The following BCL7C variants were observed in gnomAD, a reference collection of about 807,000 sequenced individuals.
The protein encoded by BCL7C is BAF chromatin remodeling complex subunit BCL7C, also known as B-cell CLL/lymphoma 7 protein family member C.
In BCL7C, 8 loss-of-function variants were observed where a neutral mutation model predicts 26.2. That is an observed-to-expected ratio of 0.30 (90% CI 0.18 to 0.55). The LOEUF (loss-of-function observed/expected upper bound fraction) is 0.55, where lower values mean the gene tolerates loss of function less well. BCL7C is among the 20% of genes least tolerant of loss of function. The pLI is 0.93. For missense variants in BCL7C, 262 were observed against 298.5 expected, an observed-to-expected ratio of 0.88 and a Z score of 0.90; for synonymous variants, 90 against 116.5, an observed-to-expected ratio of 0.77 and a Z score of 1.47.
chr16:30,888,851 C>T lies in BCL7C; in HGVS notation c.528+9G>A, dbSNP rs759753344. ...AGACCCAGGAGTCCAGCCTTCTGGC[C>T]TCTCTCACCTCAGCTTCCAGCAGTT... is the stretch of plus-strand genomic sequence containing the variant. On this transcript the variant is annotated intron_variant, in intron 5 of 5. Transcript: ENST00000215115. 6 of 1,613,768 alleles carry T rather than the reference C, an allele frequency of 3.7e-6. No individual in the cohort carries two copies. The highest frequency in any genetic ancestry group is 8.5e-7 in the Non-Finnish European group (1 of 1,179,808).
intron 5 of BCL7C, among the ~76,000 whole-genome samples, chr16:30,858,223 A>C (rs1453307680): frequency 6.6e-6 from 1 of 152,162 alleles, no homozygotes; most frequent in Non-Finnish European, 1.5e-5. Context: ...CCATTGCCAC[A>C]GTGAAGAGTC....
chr16:30,867,180 A>C (rs2054836645), intron 5 of BCL7C, among the ~76,000 whole-genome samples: 1 of 152,226 alleles, frequency 6.6e-6, no homozygotes, highest in South Asian at 2.1e-4. Context: ...GGACAAAAAA[A>C]TTCCAGGCCC....
chr16:30,859,727 C>T (rs1297260069), intron 5 of BCL7C, among the ~76,000 whole-genome samples: 1 of 150,316 alleles, frequency 6.7e-6, no homozygotes, highest in Non-Finnish European at 1.5e-5. Flanking sequence ...ACTTTGTACA[C>T]CTATCCCAAA....
chr16:30,892,868 A>AC lies in BCL7C; in HGVS notation c.251dup (p.Gly85TrpfsTer9). On this transcript the variant is annotated frameshift_variant, in exon 3 of 6. Coordinates refer to ENST00000215115, the MANE Select transcript of BCL7C (RefSeq NM_004765.4). LOFTEE classifies it high-confidence loss of function. ...TAAGATCCAGCAGGATGAGAGGGCCACCCCCTCGGGGACTGGCGCCCCTGC... is the reference window on the plus strand; with the variant it reads ...TAAGATCCAGCAGGATGAGAGGGCCACCCCCCTCGGGGACTGGCGCCCCTGC... 1 of 1,611,920 alleles carries AC rather than the reference A, an allele frequency of 6.2e-7. No individual in the cohort carries two copies. The highest frequency in any genetic ancestry group is 8.5e-7 in the Non-Finnish European group (1 of 1,179,790).
rs1187827463 is a variant in BCL7C at position 30,879,689 on chromosome 16, C to CAAAAAAAAAAAAAAAAAAA, written c.528+9152_528+9170dup. 2.8e-3 allele frequency among the ~76,000 whole-genome samples: 81 copies of CAAAAAAAAAAAAAAAAAAA among 29,390 alleles called. 23 individuals carry two copies. The highest frequency in any genetic ancestry group is 4.8e-3 in the African/African-American group (37 of 7,756). The allele number at this position is 29,390 out of a possible 152,430, so 19.3% of individuals were successfully genotyped here. A position where few individuals can be genotyped will look rare whatever the true frequency, so the allele number is the denominator to read the frequency against. On this transcript the variant is annotated intron_variant, in intron 5 of 5. Coordinates refer to the BCL7C transcript ENST00000380317. Reference sequence around the variant, plus strand: ...AACACAGAGAGACTCCCCTTCTCTACAAAAAAAAAAAAAAAAAAAACTGGG... The same window carrying CAAAAAAAAAAAAAAAAAAA: ...AACACAGAGAGACTCCCCTTCTCTACAAAAAAAAAAAAAAAAAAAAAAAAAAAAAAAAAAAAAAACTGGG...
chr16:30,891,236 G>T (rs1054535671), intron 4 of BCL7C, among the ~76,000 whole-genome samples: 1 of 151,622 alleles, frequency 6.6e-6, no homozygotes, highest in African/African-American at 2.4e-5. Context: ...GCCAAGGCGG[G>T]CAGATCACCT....
chr16:30,873,388 T>G (rs1047907035), intron 5 of BCL7C, among the ~76,000 whole-genome samples: 6 of 152,200 alleles, frequency 3.9e-5, no homozygotes, highest in Non-Finnish European at 8.8e-5. Context: ...TGGGAGTTAC[T>G]GTTAATGGGT....
chr16:30,879,461 A>G (rs918297609), intron 5 of BCL7C, among the ~76,000 whole-genome samples: 2 of 152,136 alleles, frequency 1.3e-5, no homozygotes, highest in South Asian at 2.1e-4. Flanking sequence ...ATGACCCTCA[A>G]GAATATTAGC....
chr16:30,845,650 A>G (rs2054629751), intron 5 of BCL7C, among the ~76,000 whole-genome samples: 1 of 151,596 alleles, frequency 6.6e-6, no homozygotes, highest in African/African-American at 2.4e-5. Flanking sequence ...TTCATTGGAT[A>G]CTGTATCTCA....
chr16:30,883,045 TAG>T (rs1180278383), downstream of BCL7C, among the ~76,000 whole-genome samples: 3 of 152,010 alleles, frequency 2.0e-5, no homozygotes, highest in Non-Finnish European at 4.4e-5. Context: ...GGGTGGAACT[TAG>T]AGTCAGAGAA....
intron 4 of BCL7C, among the ~76,000 whole-genome samples, chr16:30,892,179 A>T (rs550088158): frequency 7.0e-6 from 1 of 143,736 alleles, no homozygotes; most frequent in South Asian, 2.3e-4. Context: ...AGGCGGGAGG[A>T]TCGCTTGAGC....
intron 5 of BCL7C, among the ~76,000 whole-genome samples, chr16:30,864,123 C>T (rs995808687): frequency 2.6e-5 from 4 of 152,152 alleles, no homozygotes; most frequent in Middle Eastern, 3.4e-3. Flanking sequence ...CCAAAATCAC[C>T]GAGGCCCTGA....
chr16:30,839,435 G>C (rs2054588674), intron 5 of BCL7C, among the ~76,000 whole-genome samples: 1 of 152,236 alleles, frequency 6.6e-6, no homozygotes, highest in Non-Finnish European at 1.5e-5. Context: ...TTTAGGTGCT[G>C]CTGTGAAAGG....
intron 5 of BCL7C, among the ~76,000 whole-genome samples, chr16:30,849,714 G>A (rs957077680): frequency 1.3e-5 from 2 of 151,302 alleles, no homozygotes; most frequent in East Asian, 1.9e-4. Context: ...GCCTCCCAAA[G>A]TGTTGGGATT....
chr16:30,889,915 G>C (rs2055199356), intron 4 of BCL7C, among the ~76,000 whole-genome samples: 1 of 138,550 alleles, frequency 7.2e-6, no homozygotes, highest in Non-Finnish European at 1.5e-5. Flanking sequence ...GACAGAGTGA[G>C]ACCTTGTCTC....
exon 6 of BCL7C, chr16:30,833,719 G>C (rs890042310): frequency 6.6e-6 from 1 of 152,218 alleles, no homozygotes; most frequent in Non-Finnish European, 1.5e-5. Flanking sequence ...GCATTGGCTT[G>C]AAGCGTGAAA....
chr16:30,859,606 A>T (rs1036487247), intron 5 of BCL7C, among the ~76,000 whole-genome samples: 4 of 151,120 alleles, frequency 2.6e-5, no homozygotes, highest in Non-Finnish European at 5.9e-5. Context: ...GCCCCACTCT[A>T]ACTGATACGA....
At chr16:30,862,053 T>C (rs911664989) in intron 5 of BCL7C, among the ~76,000 whole-genome samples, 7 of 151,860 alleles carry the variant, frequency 4.6e-5, no homozygotes, top group Admixed American at 4.6e-4. Flanking sequence ...GGTTTAACTG[T>C]GGTCTCAATC....
At chr16:30,851,083 G>C (rs2054671193) in intron 5 of BCL7C, among the ~76,000 whole-genome samples, 1 of 152,066 alleles carries the variant, frequency 6.6e-6, no homozygotes, top group Non-Finnish European at 1.5e-5. Context: ...GTAAAAATCT[G>C]TGCTTCGGGA....
Sources: gnomAD v4.1 joint callset for allele counts (sites outside exome capture counted in the v4.1 genomes callset) on GRCh38, gnomAD v4.1.1 for gene constraint, MANE v1.5 for transcripts, NCBI Gene and HGNC (gene_info 2026-07-23, HGNC 2026-07-21) for gene names.